Variants in DMD observed in about 807,000 individuals in gnomAD.
DMD encodes the protein dystrophin.
In DMD, 63 loss-of-function variants were observed where a neutral mutation model predicts 330.1. That is an observed-to-expected ratio of 0.19 (90% CI 0.16 to 0.24). The LOEUF (loss-of-function observed/expected upper bound fraction) is 0.24, where lower values mean the gene tolerates loss of function less well. DMD is among the 10% of genes least tolerant of loss of function. DMD has a pLI of 1.00. For missense variants in DMD, 3,344 were observed against 2,684.1 expected, an observed-to-expected ratio of 1.25 and a Z score of -5.43; for synonymous variants, 1,223 against 959.8, an observed-to-expected ratio of 1.27 and a Z score of -5.07.
intron 22 of DMD, among the ~76,000 whole-genome samples, chrX:32,471,016 C>A (rs12391446): frequency 0.046 from 5,144 of 111,646 alleles, 133 homozygotes; most frequent in East Asian, 0.11. Flanking sequence ...GTGGCTCACA[C>A]CTGTAATCCC....
intron 1 of DMD, among the ~76,000 whole-genome samples, chrX:33,195,568 A>G (rs1006684549): frequency 4.5e-5 from 5 of 112,094 alleles, no homozygotes; most frequent in African/African-American, 1.6e-4. Context: ...AGACTAAGAA[A>G]GAAAGAGAAA....
intron 1 of DMD, among the ~76,000 whole-genome samples, chrX:33,049,945 T>C (rs989110969): frequency 2.7e-5 from 3 of 111,854 alleles, no homozygotes; most frequent in African/African-American, 9.7e-5. Flanking sequence ...TGCAAATATA[T>C]TCGTCTTTAG....
intron 50 of DMD, among the ~76,000 whole-genome samples, chrX:31,814,461 C>T (rs1224433272): frequency 2.7e-5 from 2 of 72,765 alleles, no homozygotes; most frequent in East Asian, 4.9e-4. Context: ...CCAGCCTGGG[C>T]GACAGAGTGA....
intron 55 of DMD, among the ~76,000 whole-genome samples, chrX:31,606,594 G>A (rs1473691814): frequency 9.0e-6 from 1 of 111,416 alleles, no homozygotes; most frequent in African/African-American, 3.3e-5. Context: ...CTCTTCATGG[G>A]ATCACTGCAC....
chrX:31,422,044 T>TATA (rs56161808), intron 60 of DMD, among the ~76,000 whole-genome samples: 1,692 of 75,989 alleles, frequency 0.022, 25 homozygotes, highest in Middle Eastern at 0.035. Flanking sequence ...TATATATATA[T>TATA]TTTTTTTTTT....
rs1490656936 is a variant in DMD at position 31,321,599 on chromosome X, A to G, written c.9224+1999T>C. 1.2e-3 allele frequency among the ~76,000 whole-genome samples: 110 copies of G among 91,254 alleles called. 2 individuals carry two copies. Among genetic ancestry groups the G allele is most frequent in the African/African-American group, 5.9e-3 (106 of 17,862 alleles). 79.2% of individuals were successfully genotyped at this position (91,254 alleles called of 115,157 possible). On this transcript the variant is annotated intron_variant, in intron 62 of 78. Coordinates refer to ENST00000357033, the MANE Select transcript of DMD (RefSeq NM_004006.3). ...ACTCCATCTCAAAAAAAAAAAAAAA[A>G]AAAAAAAAAAAGAAAGAAACCAAGA...
intron 15 of DMD, among the ~76,000 whole-genome samples, chrX:32,568,068 G>A (rs1338060339): frequency 8.9e-6 from 1 of 112,174 alleles, no homozygotes; most frequent in Non-Finnish European, 1.9e-5. Flanking sequence ...AGAGGAGTGT[G>A]AGAATTATGT....
At chrX:32,357,371 G>C (rs2097805877) in intron 37 of DMD, among the ~76,000 whole-genome samples, 1 of 111,174 alleles carries the variant, frequency 9.0e-6, no homozygotes, top group Non-Finnish European at 1.9e-5. Flanking sequence ...ATCTGACCTA[G>C]AAAAATGTTA....
intron 1 of DMD, among the ~76,000 whole-genome samples, chrX:33,087,611 G>A (rs893352141): frequency 9.0e-6 from 1 of 111,571 alleles, no homozygotes; most frequent in African/African-American, 3.3e-5. Flanking sequence ...GAAACTGTGG[G>A]GGTTTGAATC....
chrX:32,844,132 C>T (rs771968978), intron 4 of DMD, among the ~76,000 whole-genome samples: 13 of 111,522 alleles, frequency 1.2e-4, no homozygotes, highest in African/African-American at 2.9e-4. Flanking sequence ...TCACCGGGCA[C>T]GGTGGCTCAC....
At chrX:32,307,190 A>G (rs1390666950) in intron 42 of DMD, among the ~76,000 whole-genome samples, 2 of 111,357 alleles carry the variant, frequency 1.8e-5, no homozygotes, top group African/African-American at 6.5e-5. Context: ...AGGTGCTAGT[A>G]AAGTGTGTGT....
At chrX:32,844,683 G>C (rs1009835890) in intron 4 of DMD, 100 bp downstream of exon 4, 1 of 713,811 alleles carries the variant, frequency 1.4e-6, no homozygotes. Flanking sequence ...ATTTACAAGA[G>C]AATTTGAAAT....
At chrX:31,179,606 T>C (rs2040941323) in intron 69 of DMD, among the ~76,000 whole-genome samples, 1 of 111,801 alleles carries the variant, frequency 8.9e-6, no homozygotes. Flanking sequence ...CAGGTTTATT[T>C]TAGAAAAAAC....
intron 21 of DMD, among the ~76,000 whole-genome samples, chrX:32,480,815 C>T (rs1471209503): frequency 9.0e-6 from 1 of 110,642 alleles, no homozygotes; most frequent in African/African-American, 3.3e-5. Flanking sequence ...GTCTGCTATG[C>T]TTGCTCTTGA....
At chrX:32,460,796 C>G (rs768222858) in intron 25 of DMD, among the ~76,000 whole-genome samples, 1 of 111,743 alleles carries the variant, frequency 8.9e-6, no homozygotes, top group Non-Finnish European at 1.9e-5. Context: ...GCTCCTGTCA[C>G]TCTCATTTAA....
chrX:32,651,558 G>T (rs1466972115), intron 9 of DMD, among the ~76,000 whole-genome samples: 1 of 111,922 alleles, frequency 8.9e-6, no homozygotes, highest in Admixed American at 9.5e-5. Context: ...TTGCTGAGTA[G>T]GAAATCAAAT....
chrX:32,264,909 T>G (rs1447493059), intron 43 of DMD, among the ~76,000 whole-genome samples: 1 of 111,937 alleles, frequency 8.9e-6, no homozygotes, highest in East Asian at 2.8e-4. Flanking sequence ...GGTTTGGAAT[T>G]GGAAATTATG....
intron 1 of DMD, among the ~76,000 whole-genome samples, chrX:33,051,124 T>C (rs184562267): frequency 8.9e-6 from 1 of 112,072 alleles, no homozygotes; most frequent in East Asian, 2.8e-4. Flanking sequence ...ACTAATGTTT[T>C]TATTTGCATA....
At chrX:31,374,723 A>G (rs1454640549) in intron 60 of DMD, among the ~76,000 whole-genome samples, 11 of 103,885 alleles carry the variant, frequency 1.1e-4, no homozygotes, top group South Asian at 5.0e-4. Flanking sequence ...CCTAATGCTA[A>G]ATGACGAGTT....
Sources: allele counts gnomAD v4.1 joint callset (sites outside exome capture counted in the v4.1 genomes callset), GRCh38; gene constraint gnomAD v4.1.1; transcripts MANE v1.5; gene names NCBI Gene and HGNC (gene_info 2026-07-23, HGNC 2026-07-21).